The following TENM3 variants were observed in gnomAD, a reference collection of about 807,000 sequenced individuals.
The protein encoded by TENM3 is teneurin-3.
TENM3 carries 63 observed loss-of-function variants against 255.1 expected under a neutral mutation model. The ratio of observed to expected loss-of-function variants is 0.25; its 90% CI spans 0.20 to 0.30. TENM3 has a LOEUF of 0.30. TENM3 is among the 10% of genes least tolerant of loss of function. The pLI, the probability that TENM3 is intolerant of heterozygous loss-of-function variation, is 1.00. For synonymous variants in TENM3, 1,306 were observed against 1,322.3 expected (o/e 0.99, Z 0.27); for missense variants, 2,929 against 3,461.1 (o/e 0.85, Z 3.86).
chr4:182,043,735 T>C, the TENM3 span, among the ~76,000 whole-genome samples: 1 of 152,318 alleles, frequency 6.6e-6, no homozygotes, highest in African/African-American at 2.4e-5. Context: ...TGAGCTGAAA[T>C]GTAATCAACT....
chr4:181,982,680 T>C, the TENM3 span, among the ~76,000 whole-genome samples: 8 of 152,158 alleles, frequency 5.3e-5, no homozygotes, highest in Non-Finnish European at 1.0e-4. Flanking sequence ...ACTGGAAGCA[T>C]CTGGCTGAAT....
chr4:182,488,099 A>G (rs530281723), intron 3 of TENM3, among the ~76,000 whole-genome samples: 1 of 152,350 alleles, frequency 6.6e-6, no homozygotes, highest in Middle Eastern at 3.4e-3. Context: ...CTTGCAAGTG[A>G]TGACAAACAT....
chr4:182,230,963 G>T (rs570343438), intron 1 of TENM3, among the ~76,000 whole-genome samples: 110 of 150,834 alleles, frequency 7.3e-4, no homozygotes, highest in Non-Finnish European at 1.2e-3. Flanking sequence ...TGACCAACAA[G>T]TGTCTCTCCT....
chr4:181,935,881 T>A, the TENM3 span, among the ~76,000 whole-genome samples: 1 of 152,190 alleles, frequency 6.6e-6, no homozygotes, highest in East Asian at 1.9e-4. Context: ...TCCATTATAG[T>A]CGCTTTCCAG....
At chr4:181,762,500 A>G in the TENM3 span, among the ~76,000 whole-genome samples, 1 of 152,122 alleles carries the variant, frequency 6.6e-6, no homozygotes, top group African/African-American at 2.4e-5. Flanking sequence ...ACTCCATCAT[A>G]GTGGCAGTTG....
At chr4:181,745,926 G>T in the TENM3 span, among the ~76,000 whole-genome samples, 1 of 152,192 alleles carries the variant, frequency 6.6e-6, no homozygotes, top group Admixed American at 6.5e-5. Context: ...AGTTGACAGA[G>T]AATTGGATTT....
chr4:181,661,437 T>C, the TENM3 span, among the ~76,000 whole-genome samples: 1 of 152,198 alleles, frequency 6.6e-6, no homozygotes, highest in African/African-American at 2.4e-5. Context: ...TCCATTTAAA[T>C]TTCTGCACAA....
chr4:181,473,991 A>C, the TENM3 span, among the ~76,000 whole-genome samples: 1 of 151,778 alleles, frequency 6.6e-6, no homozygotes, highest in African/African-American at 2.4e-5. Flanking sequence ...CAATTTTAAA[A>C]ATTTTAAAAT....
At chr4:182,653,539 G>A (rs116307071) in intron 5 of TENM3, among the ~76,000 whole-genome samples, 99 of 152,286 alleles carry the variant, frequency 6.5e-4, no homozygotes, top group African/African-American at 2.3e-3. Flanking sequence ...CCAATGAAGT[G>A]AATAGTATTA....
intron 3 of TENM3, among the ~76,000 whole-genome samples, chr4:182,514,657 A>AT (rs1737753609): frequency 6.6e-6 from 1 of 152,046 alleles, no homozygotes; most frequent in African/African-American, 2.4e-5. Context: ...ATTTTGTTTC[A>AT]TTTTTTGTGT....
intron 13 of TENM3, among the ~76,000 whole-genome samples, chr4:182,716,485 C>T (rs1224803019): frequency 6.6e-6 from 1 of 152,194 alleles, no homozygotes; most frequent in Non-Finnish European, 1.5e-5. Context: ...GGATTCTCTG[C>T]TTATCTCACA....
At chr4:181,562,419 G>A in the TENM3 span, among the ~76,000 whole-genome samples, 1 of 152,108 alleles carries the variant, frequency 6.6e-6, no homozygotes, top group Non-Finnish European at 1.5e-5. Flanking sequence ...CCAAAGCACA[G>A]TTGTTCAAAA....
the TENM3 span, among the ~76,000 whole-genome samples, chr4:181,567,798 T>C: frequency 6.6e-6 from 1 of 152,148 alleles, no homozygotes; most frequent in African/African-American, 2.4e-5. Context: ...TAATATTGGA[T>C]TTAGATAAAT....
the TENM3 span, among the ~76,000 whole-genome samples, chr4:181,556,925 C>T: frequency 6.6e-5 from 10 of 152,102 alleles, no homozygotes; most frequent in African/African-American, 2.4e-4. Flanking sequence ...AAAGCTCTCC[C>T]AACTCTTTGA....
intron 3 of TENM3, among the ~76,000 whole-genome samples, chr4:182,373,562 T>A (rs1766985943): frequency 6.6e-6 from 1 of 152,126 alleles, no homozygotes; most frequent in Non-Finnish European, 1.5e-5. Flanking sequence ...CTGCATGAAC[T>A]AATAGGGTGA....
Position 182,799,980 on chromosome 4 carries a change from G to T in TENM3, c.7729G>T (p.Val2577Leu). The change falls in exon 28 of 28, where the codon GTG (valine) becomes TTG (leucine). Residue 2577 changes from valine to leucine, a missense_variant. This residue lies in a region of TENM3 where 476 missense variants were observed against 480.1 expected (regional missense o/e 0.99). Coordinates refer to ENST00000511685, the MANE Select transcript of TENM3 (RefSeq NM_001080477.4). The surrounding 1 kb of genome is among the most constrained non-coding windows in gnomAD (Gnocchi z 4.2). ...GRKALENGIN[V>L]TVSQSTTVVN... ...CAAGGCGCTGGAGAACGGCATCAAC[G>T]TGACGGTGTCGCAGTCCACCACGGT... is the stretch of plus-strand genomic sequence containing the variant. The T allele has an allele frequency of 6.3e-7, 1 of 1,592,114 alleles. No homozygotes were observed. Among genetic ancestry groups the T allele is most frequent in the African/African-American group, 1.3e-5 (1 of 74,582 alleles).
At chr4:182,008,285 C>T in the TENM3 span, among the ~76,000 whole-genome samples, 1 of 152,084 alleles carries the variant, frequency 6.6e-6, no homozygotes, top group Non-Finnish European at 1.5e-5. Flanking sequence ...TCCTGTCTTG[C>T]TAGGCTGGCG....
intron 4 of TENM3, among the ~76,000 whole-genome samples, chr4:182,612,220 C>T (rs1749065011): frequency 1.4e-5 from 2 of 147,152 alleles, no homozygotes; most frequent in Non-Finnish European, 3.0e-5. Flanking sequence ...TGCAATGAGC[C>T]AAGATTGCAC....
the TENM3 span, among the ~76,000 whole-genome samples, chr4:181,589,277 TATC>T: frequency 1.3e-5 from 2 of 152,260 alleles, no homozygotes; most frequent in African/African-American, 2.4e-5. Context: ...TTTTTATTTT[TATC>T]ATGAACTGTT....
Sources: gnomAD v4.1 joint callset for allele counts (sites outside exome capture counted in the v4.1 genomes callset) on GRCh38, gnomAD v4.1.1 for gene constraint, gnomAD v4.1.1 regional missense constraint, Gnocchi (gnomAD v3.1) non-coding constraint, MANE v1.5 for transcripts, NCBI Gene and HGNC (gene_info 2026-07-23, HGNC 2026-07-21) for gene names.